The following WDFY4 variants were observed in gnomAD, a reference collection of about 807,000 sequenced individuals.
WDFY4 encodes WD repeat- and FYVE domain-containing protein 4.
Under a neutral mutation model 351.9 loss-of-function variants are expected in WDFY4, and 169 were observed. That is an observed-to-expected ratio of 0.48 (90% CI 0.42 to 0.55). WDFY4 has a LOEUF of 0.55. WDFY4 is among the 20% of genes least tolerant of loss of function. WDFY4 has a pLI of 0.00. For missense variants in WDFY4, 3,803 were observed against 3,935.6 expected (o/e 0.97, Z 0.90); for synonymous variants, 1,622 against 1,574.6 (o/e 1.03, Z -0.71).
At chr10:48,749,805 A>G (rs999053025) in intron 12 of WDFY4, among the ~76,000 whole-genome samples, 10 of 152,092 alleles carry the variant, frequency 6.6e-5, no homozygotes, top group African/African-American at 2.2e-4. Context: ...CTCTGAGAAA[A>G]GCCCCCTCCA....
Position 48,743,177 on chromosome 10 carries a change from T to C in WDFY4, c.2088T>C (p.Pro696=). Residue 696 remains proline (P), a synonymous_variant, in exon 12 of 62, where the codon CCT becomes CCC. Transcript: ENST00000325239. ...TGTCCGCAGCGCTGCACTGGGACCC[T>C]GTCAATGGCTACTTCTTCAGGAGGA... ...CAVSAALHWD[P]VNGYFFRRNG... The C allele has an allele frequency of 6.4e-7, 1 of 1,551,716 alleles. No homozygotes were observed. The highest frequency in any genetic ancestry group is 8.7e-7 in the Non-Finnish European group (1 of 1,147,000).
chr10:48,875,790 C>T (rs1292130815), intron 42 of WDFY4, among the ~76,000 whole-genome samples: 1 of 152,230 alleles, frequency 6.6e-6, no homozygotes, highest in African/African-American at 2.4e-5. Context: ...TGCTACCTTG[C>T]CTGTCTGCAG....
rs1323913916 is a variant in WDFY4, at chr10:48,805,312, C to T, written c.4537C>T (p.Leu1513Phe). 1.3e-6 allele frequency: 2 copies of T among 1,548,070 alleles called. No individual in the cohort carries two copies. Among genetic ancestry groups the T allele is most frequent in the South Asian group, 2.4e-5 (2 of 84,060 alleles). The change falls in exon 26 of 62, where the codon CTC becomes TTC. Residue 1513 changes from leucine to phenylalanine, a missense_variant. Physicochemically the swap from Leu to Phe is conservative, Grantham distance 22 (BLOSUM62 0). This residue lies in a region of WDFY4 where 3,054 missense variants were observed against 3,148.6 expected (regional missense o/e 0.97). Coordinates refer to ENST00000325239, the MANE Select transcript of WDFY4 (RefSeq NM_001394531.1). ...AAHQAQLIPK[L>F]IFLFNEPSLI... ...CCACCAGGCACAGCTTATACCCAAG[C>T]TCATCTTCCTATTCAATGAGCCGAG...
intron 1 of WDFY4, among the ~76,000 whole-genome samples, chr10:48,697,037 G>A (rs1451460270): frequency 2.6e-5 from 4 of 152,200 alleles, no homozygotes; most frequent in African/African-American, 7.2e-5. Context: ...GAGGGGTCAG[G>A]CTGGCCAGAG....
chr10:48,873,061 A>G (rs763925797), intron 40 of WDFY4, among the ~76,000 whole-genome samples: 1 of 152,054 alleles, frequency 6.6e-6, no homozygotes, highest in Non-Finnish European at 1.5e-5. Flanking sequence ...AGTACATTCA[A>G]ATTCCCACTC....
chr10:48,721,275 G>A lies in WDFY4; in HGVS notation c.364G>A (p.Ala122Thr), dbSNP rs2064079751. The A allele has an allele frequency of 1.3e-6, 2 of 1,551,672 alleles. No individual in the cohort carries two copies. Among genetic ancestry groups the A allele is most frequent in the Non-Finnish European group, 8.7e-7 (1 of 1,146,966 alleles). Residue 122 changes from alanine (A) to threonine (T), a missense_variant, in exon 4 of 62, where the codon GCA (alanine) becomes ACA (threonine). Physicochemically the swap from Ala to Thr is moderately conservative, Grantham distance 58. Coordinates refer to ENST00000325239, the MANE Select transcript of WDFY4 (RefSeq NM_001394531.1). ...VGKPAEQARL[A>T]AGQLLWWKGD... The stretch of plus-strand genomic sequence containing the variant: ...CTTTCTTCCAGAGCAAGCTCGGTTG[G>A]CAGCTGGACAGTTGCTGTGGTGGAA...
At chr10:48,919,950 A>G (rs1416088314) in intron 47 of WDFY4, among the ~76,000 whole-genome samples, 1 of 152,216 alleles carries the variant, frequency 6.6e-6, no homozygotes, top group Admixed American at 6.5e-5. Context: ...ACAAAGACAT[A>G]TAAGAAAGAG....
intron 25 of WDFY4, chr10:48,804,596 G>C (rs528297979): frequency 7.8e-6 from 2 of 258,056 alleles, no homozygotes; most frequent in East Asian, 3.6e-4. Flanking sequence ...AGTTCAAAGT[G>C]AGGAATCTGC....
chr10:48,843,436 C>G (rs2068674582), intron 39 of WDFY4, among the ~76,000 whole-genome samples: 1 of 152,134 alleles, frequency 6.6e-6, no homozygotes, highest in Non-Finnish European at 1.5e-5. Flanking sequence ...GCATAGCACT[C>G]CTTTCTATGA....
At chr10:48,794,845 T>G (rs1262552553) in intron 23 of WDFY4, among the ~76,000 whole-genome samples, 1 of 152,052 alleles carries the variant, frequency 6.6e-6, no homozygotes. Context: ...GGTAGCCAGG[T>G]GGAGGCAGTG....
At chr10:48,905,358 T>C (rs1837561109) in intron 47 of WDFY4, among the ~76,000 whole-genome samples, 2 of 152,196 alleles carry the variant, frequency 1.3e-5, no homozygotes, top group Admixed American at 1.3e-4. Context: ...AGGAAGATGA[T>C]GTTTTGTAGA....
intron 1 of WDFY4, among the ~76,000 whole-genome samples, chr10:48,689,745 G>T (rs1301081460): frequency 1.3e-5 from 2 of 152,170 alleles, no homozygotes; most frequent in Admixed American, 1.3e-4. Flanking sequence ...GAAGTGAAAA[G>T]CCACTTGAAC....
At chr10:48,757,650 TC>T (rs1172743629) in intron 12 of WDFY4, among the ~76,000 whole-genome samples, 1 of 152,000 alleles carries the variant, frequency 6.6e-6, no homozygotes, top group Non-Finnish European at 1.5e-5. Context: ...TTTTTTTTAC[TC>T]TTTTTTTGTT....
At chr10:48,970,103 C>G (rs1342757623) in intron 56 of WDFY4, 28 bp from the exon 57 acceptor site, 1 of 1,549,260 alleles carries the variant, frequency 6.5e-7, no homozygotes, top group South Asian at 1.2e-5. Context: ...GTCTCCACAG[C>G]AGCGCTCATC....
chr10:48,908,432 A>G lies in WDFY4; in HGVS notation c.7586+6569A>G, dbSNP rs1352004586. Among the ~76,000 whole-genome samples, 3 of 152,328 alleles carry G rather than the reference A, an allele frequency of 2.0e-5. No individual in the cohort carries two copies. In the East Asian group the frequency reaches 5.8e-4, roughly 29 times the overall value. On this transcript the variant is annotated intron_variant, in intron 47 of 61. Transcript: ENST00000325239. ...TTTTTCAGGAATCTGCAAGAATAAG[A>G]TCAACAACGGGAAATTTTAGATTAG...
intron 44 of WDFY4, among the ~76,000 whole-genome samples, chr10:48,896,570 C>A (rs2940710): frequency 0.3 from 46,247 of 152,084 alleles, 8,778 homozygotes; most frequent in Non-Finnish European, 0.43. Context: ...CCAGGCTGGG[C>A]AGCCTCTCAG....
intron 47 of WDFY4, chr10:48,910,342 A>C: frequency 9.0e-5 from 109 of 1,216,102 alleles, no homozygotes; most frequent in Non-Finnish European, 1.2e-4. Context: ...ACACCAGCTC[A>C]CCAAGGTCAT....
rs531831198 is a variant in WDFY4, at chr10:48,972,780, G to T, written c.8929-2082G>T. On this transcript the variant is annotated intron_variant, in intron 57 of 61. Coordinates refer to ENST00000325239, the MANE Select transcript of WDFY4 (RefSeq NM_001394531.1). ...GTTCTGTGACTTAATCATACCACCA[G>T]CAATCAAGAGCACCCGTTTCATGGC... 6.6e-5 allele frequency among the ~76,000 whole-genome samples: 10 copies of T among 152,308 alleles called. No individual in the cohort carries two copies. The South Asian group carries it at 2.1e-3, about 32-fold the overall frequency.
chr10:48,692,640 G>A (rs996001077), intron 1 of WDFY4, among the ~76,000 whole-genome samples: 5 of 152,176 alleles, frequency 3.3e-5, no homozygotes, highest in East Asian at 1.9e-4. Flanking sequence ...GATGGGAGCC[G>A]CAGTTGTTAT....
Sources: allele counts gnomAD v4.1 joint callset (sites outside exome capture counted in the v4.1 genomes callset), GRCh38; gene constraint gnomAD v4.1.1; regional missense constraint gnomAD v4.1.1; transcripts MANE v1.5; gene names NCBI Gene and HGNC (gene_info 2026-07-23, HGNC 2026-07-21).